The following PID1 variants were observed in gnomAD, a reference collection of about 807,000 sequenced individuals.
PID1 encodes the protein PTB-containing, cubilin and LRP1-interacting protein.
PID1 carries 10 observed loss-of-function variants against 19.1 expected under a neutral mutation model. The ratio of observed to expected loss-of-function variants is 0.52; its 90% CI spans 0.32 to 0.89. PID1 has a LOEUF of 0.89. Among genes scored for constraint, PID1 ranks in the 40% least tolerant of loss-of-function variants. The probability of loss-of-function intolerance (pLI) is 0.03; values close to 1 mark genes in which losing one functional copy is unlikely to be tolerated. For synonymous variants in PID1, 130 were observed against 116.0 expected (o/e 1.12, Z -0.78); for missense variants, 248 against 285.3 (o/e 0.87, Z 0.94).
At chr2:229,028,339 T>A (rs962827754) in intron 2 of PID1, among the ~76,000 whole-genome samples, 1 of 152,196 alleles carries the variant, frequency 6.6e-6, no homozygotes, top group African/African-American at 2.4e-5. Context: ...TGCATCAAAG[T>A]TCGTGTAAAT....
intron 2 of PID1, among the ~76,000 whole-genome samples, chr2:229,079,948 T>A (rs556767410): frequency 6.6e-6 from 1 of 152,138 alleles, no homozygotes; most frequent in Non-Finnish European, 1.5e-5. Context: ...GCATGGAAGC[T>A]GTGAAGTGGG....
At chr2:229,252,778 G>A (rs946199720) in intron 1 of PID1, among the ~76,000 whole-genome samples, 5 of 152,046 alleles carry the variant, frequency 3.3e-5, no homozygotes, top group African/African-American at 1.2e-4. Context: ...TCCCACAAGG[G>A]GAATACTAAT....
At chr2:229,026,235 G>A in intron 2 of PID1, 127 bp from the exon 3 acceptor site, 1 of 680,758 alleles carries the variant, frequency 1.5e-6, no homozygotes, top group Non-Finnish European at 2.5e-6. Context: ...CTTCTTTCTT[G>A]CTCCCTGAAA....
intron 1 of PID1, among the ~76,000 whole-genome samples, chr2:229,204,018 T>C (rs1656171079): frequency 6.6e-6 from 1 of 152,090 alleles, no homozygotes; most frequent in Non-Finnish European, 1.5e-5. Flanking sequence ...CTGAGGTTTA[T>C]TACAGTATTA....
In PID1 at chr2:229,149,652, T is replaced by C. The variant is rs569453124; in HGVS notation, c.177+6166A>G. Among the ~76,000 whole-genome samples, 4 of 152,308 alleles carry C rather than the reference T, an allele frequency of 2.6e-5. No homozygotes were observed. In the South Asian group the frequency reaches 8.3e-4, roughly 32 times the overall value. ...AAAATTGTTATGGTTTACAGATCAT[T>C]AACTCCTTCTTGGAAACTGGTTTGT... On this transcript the variant is annotated intron_variant, in intron 2 of 2. Coordinates refer to ENST00000392055, the MANE Select transcript of PID1 (RefSeq NM_001100818.2).
intron 2 of PID1, among the ~76,000 whole-genome samples, chr2:229,087,800 T>C (rs1574618478): frequency 6.6e-6 from 1 of 152,158 alleles, no homozygotes; most frequent in East Asian, 1.9e-4. Flanking sequence ...TATATACTTG[T>C]GATACCTGAC....
intron 2 of PID1, among the ~76,000 whole-genome samples, chr2:229,118,470 CAGCTCTG>C (rs993621668): frequency 1.8e-4 from 27 of 152,064 alleles, no homozygotes; most frequent in Non-Finnish European, 3.4e-4. Context: ...TGCCACTAAC[CAGCTCTG>C]AGACTACACG....
chr2:229,104,099 C>T (rs1248905528), intron 2 of PID1, among the ~76,000 whole-genome samples: 1 of 152,046 alleles, frequency 6.6e-6, no homozygotes, highest in African/African-American at 2.4e-5. Flanking sequence ...TTACAAGAGC[C>T]TGAGTTTCTA....
intron 1 of PID1, among the ~76,000 whole-genome samples, chr2:229,224,031 G>A (rs1182859571): frequency 6.6e-6 from 1 of 152,068 alleles, no homozygotes. Flanking sequence ...ATAACATGTG[G>A]TATTTGATTT....
chr2:229,175,696 T>G (rs906795243), intron 1 of PID1, among the ~76,000 whole-genome samples: 2 of 152,136 alleles, frequency 1.3e-5, no homozygotes, highest in Non-Finnish European at 2.9e-5. Context: ...CAAAGAGGGA[T>G]GGGGGAGAGA....
chr2:229,086,148 T>C (rs1484151222), intron 2 of PID1, among the ~76,000 whole-genome samples: 1 of 152,140 alleles, frequency 6.6e-6, no homozygotes, highest in Non-Finnish European at 1.5e-5. Context: ...TTATTTGCAT[T>C]TTCCATTAGC....
intron 1 of PID1, among the ~76,000 whole-genome samples, chr2:229,165,300 T>C (rs1365457038): frequency 6.6e-6 from 1 of 151,810 alleles, no homozygotes; most frequent in Non-Finnish European, 1.5e-5. Context: ...TAACATCCAA[T>C]CAAAAATCAC....
chr2:229,262,536 A>G (rs1382725283), intron 1 of PID1: 1 of 1,225,458 alleles, frequency 8.2e-7, no homozygotes. Context: ...AGTATGTGAA[A>G]GTTGGGGATA....
intron 2 of PID1, among the ~76,000 whole-genome samples, chr2:229,098,431 C>T (rs958831398): frequency 2.0e-5 from 3 of 152,152 alleles, no homozygotes; most frequent in Non-Finnish European, 4.4e-5. Context: ...TGAAATGAAG[C>T]TGCTTTGTCC....
chr2:229,225,520 G>A (rs984544254), intron 1 of PID1, among the ~76,000 whole-genome samples: 4 of 152,130 alleles, frequency 2.6e-5, no homozygotes, highest in African/African-American at 9.7e-5. Context: ...GTATTCACTT[G>A]GATGCTTCTC....
intron 2 of PID1, among the ~76,000 whole-genome samples, chr2:229,153,394 T>C (rs974981886): frequency 4.6e-5 from 7 of 152,194 alleles, no homozygotes; most frequent in Non-Finnish European, 7.3e-5. Flanking sequence ...TGGAATCGCC[T>C]CTTCAAGGTT....
chr2:229,178,089 A>T (rs969910132), intron 1 of PID1, among the ~76,000 whole-genome samples: 1 of 152,148 alleles, frequency 6.6e-6, no homozygotes, highest in Non-Finnish European at 1.5e-5. Flanking sequence ...TCTCTTTCTT[A>T]AACTGTACAT....
At chr2:229,117,004 C>T (rs772549143) in intron 2 of PID1, among the ~76,000 whole-genome samples, 2 of 152,268 alleles carry the variant, frequency 1.3e-5, no homozygotes, top group South Asian at 4.1e-4. Context: ...GGGACCTCTT[C>T]GCTTCTCATG....
At chr2:229,155,655 CAG>C (rs1690354523) in intron 2 of PID1, among the ~76,000 whole-genome samples, 161 bp downstream of exon 2, 1 of 151,432 alleles carries the variant, frequency 6.6e-6, no homozygotes. Context: ...AAAAATAAAA[CAG>C]GATATGAATT....
Sources: gnomAD v4.1 joint callset for allele counts (sites outside exome capture counted in the v4.1 genomes callset) on GRCh38, gnomAD v4.1.1 for gene constraint, MANE v1.5 for transcripts, NCBI Gene and HGNC (gene_info 2026-07-23, HGNC 2026-07-21) for gene names.